The following OPRD1 variants were observed in gnomAD, a reference collection of about 807,000 sequenced individuals.
The protein encoded by OPRD1 is opioid receptor delta 1, also known as delta-type opioid receptor.
A neutral mutation model predicts 17.5 loss-of-function variants in OPRD1; 19 were observed. That is an observed-to-expected ratio of 1.09 (90% confidence interval 0.76 to 1.60). The LOEUF (loss-of-function observed/expected upper bound fraction) is 1.60. Among genes scored for constraint, OPRD1 ranks in the 40% most tolerant of loss-of-function variants. The pLI is 0.00. For missense variants in OPRD1, 483 were observed against 547.2 expected (o/e 0.88, Z 1.17); for synonymous variants, 256 against 240.9 (o/e 1.06, Z -0.58).
In OPRD1 at chr1:28,863,391, G is replaced by T. The variant is rs1473130008; in HGVS notation, c.*108G>T. On this transcript the variant is annotated 3_prime_UTR_variant, in exon 3 of 3. Coordinates refer to ENST00000234961, the MANE Select transcript of OPRD1 (RefSeq NM_000911.4). ...TGGAGTGGGGCAGTAGAAGGTCGGA[G>T]GCTTGGGACCGCCAGATGGGGCCTC... is the stretch of plus-strand genomic sequence containing the variant. 5 of 1,256,574 alleles carry T rather than the reference G, an allele frequency of 4.0e-6. No individual in the cohort carries two copies. The highest frequency in any genetic ancestry group is 4.1e-6 in the Non-Finnish European group (4 of 963,978). 77.8% of individuals were successfully genotyped at this position (1,256,574 alleles called of 1,614,324 possible).
At chr1:28,846,347 A>G (rs889251447) in intron 1 of OPRD1, among the ~76,000 whole-genome samples, 9 of 152,160 alleles carry the variant, frequency 5.9e-5, no homozygotes, top group Admixed American at 2.0e-4. Context: ...CCCAAGATCA[A>G]GCTGCCACCA....
intron 1 of OPRD1, among the ~76,000 whole-genome samples, chr1:28,847,732 A>G (rs988997952): frequency 6.6e-6 from 1 of 151,962 alleles, no homozygotes. Flanking sequence ...TACTTGGGAG[A>G]CTGAGGTAGG....
chr1:28,817,819 C>T (rs2088681731), intron 1 of OPRD1, among the ~76,000 whole-genome samples: 1 of 151,558 alleles, frequency 6.6e-6, no homozygotes, highest in Non-Finnish European at 1.5e-5. Flanking sequence ...ATTCTCGTGC[C>T]TCAGCCTCCC....
chr1:28,858,084 C>T (rs971781554), intron 1 of OPRD1, among the ~76,000 whole-genome samples: 6 of 150,840 alleles, frequency 4.0e-5, no homozygotes, highest in Admixed American at 2.0e-4. Context: ...TGTGAGCCAC[C>T]ACACCCGGCC....
intron 1 of OPRD1, among the ~76,000 whole-genome samples, chr1:28,848,647 A>G (rs2124282457): frequency 6.6e-6 from 1 of 152,310 alleles, no homozygotes; most frequent in South Asian, 2.1e-4. Flanking sequence ...AGCAAACCCC[A>G]GTTTATAGTA....
rs531965643 is a variant in OPRD1, at chr1:28,817,665, CTA to C, written c.227+5057_227+5058del. ...CTAGAGGTCAGGGAGCGCCTGGTCT[CTA>C]TCCATGTCCCAGAGGTGTGGCTTTG... On this transcript the variant is annotated intron_variant, in intron 1 of 2. Transcript: ENST00000234961. Among the ~76,000 whole-genome samples the C allele has an allele frequency of 3.9e-3, 596 of 152,288 alleles. 1 individual carries two copies. Among genetic ancestry groups the C allele is most frequent in the Non-Finnish European group, 5.5e-3 (372 of 68,018 alleles).
chr1:28,849,104 G>T lies in OPRD1; in HGVS notation c.228-9850G>T, dbSNP rs185712478. 1.4e-4 allele frequency among the ~76,000 whole-genome samples: 21 copies of T among 152,220 alleles called. No homozygotes were observed. In the East Asian group the frequency reaches 3.9e-3, roughly 28 times the overall value. On this transcript the variant is annotated intron_variant, in intron 1 of 2. Transcript: ENST00000234961. ...AAAGGGTCAGGACAAGATACCAAAG[G>T]TAAATGGGGAGCAGGAGGCCAGGCA...
chr1:28,812,473 T>C lies in OPRD1; in HGVS notation c.90T>C (p.Ala30=). ...SDAYPSACPS[A]GANASGPPGA... is the part of the protein sequence containing the mutation. ...CCTACCCTAGCGCCTGCCCCAGCGC[T>C]GGCGCCAATGCGTCGGGGCCGCCAG... The change falls in exon 1 of 3, where the codon GCT becomes GCC. Residue 30 remains alanine, a synonymous_variant. Coordinates refer to ENST00000234961, the MANE Select transcript of OPRD1 (RefSeq NM_000911.4). 2 of 1,537,520 alleles carry C rather than the reference T, an allele frequency of 1.3e-6. No homozygotes were observed. Among genetic ancestry groups the C allele is most frequent in the South Asian group, 1.2e-5 (1 of 83,452 alleles).
At chr1:28,824,321 T>C (rs1209953955) in intron 1 of OPRD1, among the ~76,000 whole-genome samples, 2 of 135,324 alleles carry the variant, frequency 1.5e-5, no homozygotes, top group African/African-American at 6.5e-5. Flanking sequence ...TTCTTTTTTT[T>C]TTTTTTTTTT....
At chr1:28,835,945 C>T (rs1364998331) in intron 1 of OPRD1, among the ~76,000 whole-genome samples, 1 of 152,094 alleles carries the variant, frequency 6.6e-6, no homozygotes, top group Non-Finnish European at 1.5e-5. Flanking sequence ...GGCGGTTGTG[C>T]GGATTCAGTG....
intron 1 of OPRD1, among the ~76,000 whole-genome samples, chr1:28,848,085 T>A (rs2088968962): frequency 6.6e-6 from 1 of 151,948 alleles, no homozygotes; most frequent in African/African-American, 2.4e-5. Context: ...TGTTCCCTAC[T>A]AAAAATACAA....
intron 1 of OPRD1, among the ~76,000 whole-genome samples, chr1:28,844,143 C>G (rs1046377824): frequency 2.0e-5 from 3 of 148,342 alleles, no homozygotes; most frequent in Non-Finnish European, 4.4e-5. Flanking sequence ...TTCTTCAAAT[C>G]CTTGCCAATA....
At chr1:28,815,011 A>G (rs1251770748) in intron 1 of OPRD1, among the ~76,000 whole-genome samples, 3 of 152,240 alleles carry the variant, frequency 2.0e-5, no homozygotes, top group Non-Finnish European at 2.9e-5. Flanking sequence ...CACCAGGCCC[A>G]GAGCTAGAAC....
rs1158512517 is a variant in OPRD1 at position 28,863,235 on chromosome 1, C to G, written c.1071C>G (p.Val357=). The G allele has an allele frequency of 3.9e-6, 6 of 1,552,094 alleles. No homozygotes were observed. Among genetic ancestry groups the G allele is most frequent in the Non-Finnish European group, 5.2e-6 (6 of 1,157,926 alleles). Residue 357 remains valine (V), a synonymous_variant, in exon 3 of 3, where the codon GTC becomes GTG. Transcript: ENST00000234961. The part of the protein sequence containing the change: ...RAREATARER[V]TACTPSDGPG... ...GCGAAGCCACGGCCCGCGAGCGTGTCACCGCCTGCACCCCGTCCGATGGTC... is the reference window on the plus strand; with the variant it reads ...GCGAAGCCACGGCCCGCGAGCGTGTGACCGCCTGCACCCCGTCCGATGGTC...
intron 1 of OPRD1, among the ~76,000 whole-genome samples, chr1:28,844,321 C>T (rs1409296982): frequency 6.6e-6 from 1 of 152,118 alleles, no homozygotes; most frequent in Non-Finnish European, 1.5e-5. Flanking sequence ...GACAGGGTCT[C>T]ACTTTGTCGT....
chr1:28,860,563 T>C lies in OPRD1; in HGVS notation c.577+1260T>C, dbSNP rs2089105913. The stretch of plus-strand genomic sequence containing the variant: ...ATATGTGTAGAATACTTAGGACAAG[T>C]CCTGGCTCATCGCCAAGGCCCAATG... On this transcript the variant is annotated intron_variant, in intron 2 of 2. Coordinates refer to ENST00000234961, the MANE Select transcript of OPRD1 (RefSeq NM_000911.4). Among the ~76,000 whole-genome samples, 3 of 152,200 alleles carry C rather than the reference T, an allele frequency of 2.0e-5. No homozygotes were observed. In the South Asian group the frequency reaches 6.2e-4, roughly 32 times the overall value.
chr1:28,819,257 A>G (rs1387112836), intron 1 of OPRD1, among the ~76,000 whole-genome samples: 1 of 151,844 alleles, frequency 6.6e-6, no homozygotes, highest in Non-Finnish European at 1.5e-5. Flanking sequence ...TGTTGATCAG[A>G]CTGGACAACA....
At chr1:28,857,817 G>A (rs1444390917) in intron 1 of OPRD1, among the ~76,000 whole-genome samples, 2 of 151,716 alleles carry the variant, frequency 1.3e-5, no homozygotes, top group Non-Finnish European at 2.9e-5. Flanking sequence ...TTTTGAGACG[G>A]AGTCTCGGTC....
intron 1 of OPRD1, among the ~76,000 whole-genome samples, chr1:28,845,997 C>T (rs1400123807): frequency 6.6e-6 from 1 of 152,212 alleles, no homozygotes; most frequent in Non-Finnish European, 1.5e-5. Context: ...CTTCCTGTTA[C>T]ACTCAGAGTA....
Sources: gnomAD v4.1 joint callset for allele counts (sites outside exome capture counted in the v4.1 genomes callset) on GRCh38, gnomAD v4.1.1 for gene constraint, MANE v1.5 for transcripts, NCBI Gene and HGNC (gene_info 2026-07-23, HGNC 2026-07-21) for gene names.